The following METTL8 variants were observed in gnomAD, a reference collection of about 807,000 sequenced individuals.
The protein encoded by METTL8 is methyltransferase 8, tRNA N3-cytidine, also known as tRNA N(3)-cytidine methyltransferase METTL8, mitochondrial.
A neutral mutation model predicts 48.7 loss-of-function variants in METTL8; 32 were observed. The ratio of observed to expected loss-of-function variants is 0.66; its 90% CI spans 0.50 to 0.88. The LOEUF (loss-of-function observed/expected upper bound fraction) is 0.88, where lower values mean the gene tolerates loss of function less well. Ranked by LOEUF, METTL8 falls within the 40% of genes least tolerant of loss-of-function variation. METTL8 has a pLI of 0.00. For synonymous variants in METTL8, 136 were observed against 157.1 expected, an observed-to-expected ratio of 0.87 and a Z score of 1.01; for missense variants, 464 against 474.4, an observed-to-expected ratio of 0.98 and a Z score of 0.20.
intron 2 of METTL8, among the ~76,000 whole-genome samples, chr2:171,372,930 G>A (rs1379516939): frequency 6.6e-6 from 1 of 152,128 alleles, no homozygotes; most frequent in African/African-American, 2.4e-5. Flanking sequence ...TGTGAATAGT[G>A]CCGCAATAAA....
intron 2 of METTL8, among the ~76,000 whole-genome samples, chr2:171,364,081 A>G (rs1573988497): frequency 1.3e-5 from 2 of 151,854 alleles, no homozygotes; most frequent in East Asian, 3.9e-4. Context: ...CCAAAGTGCT[A>G]GGATTACAAG....
intron 1 of METTL8, among the ~76,000 whole-genome samples, chr2:171,427,296 C>A (rs1294358815): frequency 6.6e-6 from 1 of 152,184 alleles, no homozygotes; most frequent in Non-Finnish European, 1.5e-5. Flanking sequence ...AATGCAATAG[C>A]CACCTGTCTC....
Position 171,318,104 on chromosome 2 carries a change from A to T in METTL8, c.*6068T>A, listed in dbSNP as rs1029206799. The T allele has an allele frequency of 2.0e-5, 3 of 152,214 alleles. No individual in the cohort carries two copies. The allele number at this position is 152,214 out of a possible 1,614,324, so 9.4% of individuals were successfully genotyped here. A position where few individuals can be genotyped will look rare whatever the true frequency, so the allele number is the denominator to read the frequency against. ...TAAGACATATGTTAATGAAAGACAG[A>T]TTTTGGCATCCACTTTTCTCTGTAG... On this transcript the variant is annotated 3_prime_UTR_variant, in exon 10 of 10. Coordinates refer to ENST00000375258, the MANE Select transcript of METTL8 (RefSeq NM_001321154.2).
chr2:171,361,136 T>C (rs1434021029), intron 2 of METTL8, among the ~76,000 whole-genome samples: 1 of 152,166 alleles, frequency 6.6e-6, no homozygotes, highest in East Asian at 1.9e-4. Context: ...CAGAATCGAC[T>C]CTCCCTATAT....
intron 2 of METTL8, among the ~76,000 whole-genome samples, chr2:171,371,101 C>T (rs1226999054): frequency 6.6e-6 from 1 of 152,102 alleles, no homozygotes; most frequent in Non-Finnish European, 1.5e-5. Context: ...TTTTAAGATG[C>T]ACAAACTGTA....
chr2:171,335,800 G>A (rs1298814777), intron 5 of METTL8, among the ~76,000 whole-genome samples: 1 of 152,084 alleles, frequency 6.6e-6, no homozygotes, highest in African/African-American at 2.4e-5. Flanking sequence ...AGACTGAAAG[G>A]AATTAAAACA....
rs138983837 is a variant in METTL8, at chr2:171,424,455, C to T, written c.-13+9428G>A. Among the ~76,000 whole-genome samples the T allele has an allele frequency of 3.3e-3, 504 of 152,374 alleles. 1 individual carries two copies. The highest frequency in any genetic ancestry group is 0.011 in the African/African-American group (462 of 41,584). On this transcript the variant is annotated intron_variant, in intron 1 of 9. Coordinates refer to ENST00000375258, the MANE Select transcript of METTL8 (RefSeq NM_001321154.2). Reference sequence around the variant, plus strand: ...AAGCAGCCAGGACAGGGGCTGTACCCTGCAAAGCCACAGGTGTGGAGCTGC... The same window carrying T: ...AAGCAGCCAGGACAGGGGCTGTACCTTGCAAAGCCACAGGTGTGGAGCTGC...
intron 2 of METTL8, among the ~76,000 whole-genome samples, chr2:171,371,028 A>G (rs923973189): frequency 9.2e-5 from 14 of 152,338 alleles, no homozygotes; most frequent in African/African-American, 3.4e-4. Flanking sequence ...ATTCTATTTC[A>G]TCAAATCCAA....
At chr2:171,341,544 C>CT (rs963960736) in intron 3 of METTL8, among the ~76,000 whole-genome samples, 5 of 150,270 alleles carry the variant, frequency 3.3e-5, no homozygotes, top group East Asian at 1.9e-4. Context: ...TGGCACGTTC[C>CT]TTTTTTTTCC....
At chr2:171,387,776 T>C (rs1280298571) in intron 2 of METTL8, among the ~76,000 whole-genome samples, 1 of 152,148 alleles carries the variant, frequency 6.6e-6, no homozygotes, top group Admixed American at 6.5e-5. Context: ...GTGACTACCA[T>C]ATTGTATAGT....
intron 3 of METTL8, among the ~76,000 whole-genome samples, chr2:171,348,013 A>G (rs1015176428): frequency 3.9e-5 from 6 of 152,178 alleles, no homozygotes; most frequent in African/African-American, 1.4e-4. Flanking sequence ...AGAAGATAAG[A>G]TAGGTAGGCA....
intron 3 of METTL8, among the ~76,000 whole-genome samples, chr2:171,346,152 C>G (rs569663537): frequency 2.0e-5 from 3 of 152,228 alleles, no homozygotes; most frequent in Middle Eastern, 3.4e-3. Flanking sequence ...TCTCAGCCTC[C>G]CAAGTAGCTA....
At chr2:171,336,221 G>A (rs1015527664) in intron 5 of METTL8, among the ~76,000 whole-genome samples, 5 of 151,692 alleles carry the variant, frequency 3.3e-5, no homozygotes, top group South Asian at 2.1e-4. Context: ...TCGGCCTCCC[G>A]AGTAGCTGGG....
At chr2:171,407,327 G>A (rs1690289543) in intron 1 of METTL8, among the ~76,000 whole-genome samples, 2 of 151,960 alleles carry the variant, frequency 1.3e-5, no homozygotes, top group African/African-American at 4.8e-5. Context: ...GCAAGACCCG[G>A]ACTCTAAAAG....
intron 2 of METTL8, among the ~76,000 whole-genome samples, chr2:171,382,661 T>C (rs1008497823): frequency 6.6e-6 from 1 of 151,880 alleles, no homozygotes; most frequent in Non-Finnish European, 1.5e-5. Context: ...CCATGGCACA[T>C]GTATGCCTAT....
chr2:171,431,695 G>T (rs954504225), intron 1 of METTL8, among the ~76,000 whole-genome samples: 3 of 152,208 alleles, frequency 2.0e-5, no homozygotes, highest in African/African-American at 7.2e-5. Context: ...AGCAGCGCCT[G>T]GTAGCCACCC....
intron 7 of METTL8, among the ~76,000 whole-genome samples, chr2:171,328,971 G>A (rs371808394): frequency 1.3e-5 from 2 of 149,884 alleles, no homozygotes. Flanking sequence ...TTATAGGCGT[G>A]AGCCACAGCG....
chr2:171,419,516 G>C (rs183277114), intron 1 of METTL8, among the ~76,000 whole-genome samples: 16 of 152,198 alleles, frequency 1.1e-4, no homozygotes, highest in South Asian at 2.1e-4. Flanking sequence ...TAGTACACCT[G>C]TATAGTGGTT....
intron 3 of METTL8, among the ~76,000 whole-genome samples, chr2:171,346,484 A>C (rs1687276525): frequency 6.6e-6 from 1 of 152,242 alleles, no homozygotes; most frequent in Non-Finnish European, 1.5e-5. Flanking sequence ...GAAATGGGAA[A>C]TGGGAGTGAC....
Sources: gnomAD v4.1 joint callset for allele counts (sites outside exome capture counted in the v4.1 genomes callset) on GRCh38, gnomAD v4.1.1 for gene constraint, MANE v1.5 for transcripts, NCBI Gene and HGNC (gene_info 2026-07-23, HGNC 2026-07-21) for gene names.